EIF2B3: variants seen among roughly 807,000 people sequenced by gnomAD.
EIF2B3 encodes eukaryotic translation initiation factor 2B subunit gamma, also known as translation initiation factor eIF2B subunit gamma.
Under a neutral mutation model 54.1 loss-of-function variants are expected in EIF2B3, and 20 were observed. The observed-to-expected ratio is 0.37, with a 90% CI of 0.26 to 0.54. EIF2B3 has a LOEUF of 0.54. Ranked by LOEUF, EIF2B3 falls within the 20% of genes least tolerant of loss-of-function variation. EIF2B3 has a pLI of 0.86. For missense variants in EIF2B3, 448 were observed against 547.8 expected (o/e 0.82, Z 1.82); for synonymous variants, 153 against 188.1 (o/e 0.81, Z 1.52).
chr1:44,913,844 T>TTTTTTGAGGC (rs1569704480), intron 5 of EIF2B3, among the ~76,000 whole-genome samples: 1 of 145,854 alleles, frequency 6.9e-6, no homozygotes, highest in Non-Finnish European at 1.5e-5. Flanking sequence ...TTTTTTTTTT[T>TTTTTTGAGGC]AGATGGAGTT....
intron 3 of EIF2B3, among the ~76,000 whole-genome samples, chr1:44,957,953 C>G (rs991631975): frequency 1.3e-5 from 2 of 152,130 alleles, no homozygotes; most frequent in Admixed American, 1.3e-4. Flanking sequence ...TATCCTTTGA[C>G]CCAGTAATCC....
chr1:44,967,913 C>CT (rs1187912155), intron 3 of EIF2B3, among the ~76,000 whole-genome samples: 18 of 151,980 alleles, frequency 1.2e-4, no homozygotes, highest in Admixed American at 2.6e-4. Context: ...TGGCACATGC[C>CT]TGTAATCCCA....
intron 5 of EIF2B3, chr1:44,924,981 T>C (rs941053966): frequency 1.3e-5 from 2 of 152,212 alleles, no homozygotes; most frequent in African/African-American, 4.8e-5. Flanking sequence ...TTTATTTGTT[T>C]TGATATAACA....
intron 3 of EIF2B3, among the ~76,000 whole-genome samples, chr1:44,953,574 C>T (rs553233008): frequency 3.9e-5 from 6 of 152,088 alleles, no homozygotes; most frequent in Admixed American, 3.3e-4. Flanking sequence ...CCCAGGAGTT[C>T]GAGATCAGCC....
rs140807525 is a variant in EIF2B3 at position 44,903,390 on chromosome 1, C to T, written c.567-5946G>A. Among the ~76,000 whole-genome samples the T allele has an allele frequency of 5.3e-5, 8 of 152,310 alleles. 1 individual carries two copies. Among genetic ancestry groups the T allele is most frequent in the Non-Finnish European group, 1.0e-4 (7 of 68,032 alleles). On this transcript the variant is annotated intron_variant, in intron 5 of 11. Transcript: ENST00000360403. The stretch of plus-strand genomic sequence containing the variant: ...TCAAATCTACAAAGGTCCCCAGGCT[C>T]AGGGCAATGCCAAATGTTCTTGAAG...
At chr1:44,923,138 T>C (rs1316361779) in intron 5 of EIF2B3, among the ~76,000 whole-genome samples, 1 of 152,218 alleles carries the variant, frequency 6.6e-6, no homozygotes, top group Admixed American at 6.5e-5. Flanking sequence ...TTTAGTTTTT[T>C]CCAAATACAA....
chr1:44,915,335 AG>A, intron 5 of EIF2B3, among the ~76,000 whole-genome samples: 1 of 152,122 alleles, frequency 6.6e-6, no homozygotes, highest in South Asian at 2.1e-4. Context: ...TTTTTGAGAT[AG>A]GGTCTCGTTC....
At chr1:44,921,163 T>C (rs1012553024) in intron 5 of EIF2B3, among the ~76,000 whole-genome samples, 1 of 152,242 alleles carries the variant, frequency 6.6e-6, no homozygotes, top group African/African-American at 2.4e-5. Context: ...TTTTCATATA[T>C]CTGCTTGGCA....
chr1:44,864,407 C>T (rs1318686895), intron 10 of EIF2B3, among the ~76,000 whole-genome samples: 1 of 151,834 alleles, frequency 6.6e-6, no homozygotes, highest in African/African-American at 2.4e-5. Context: ...ACTAAAAATA[C>T]AAAAATTAGC....
chr1:44,902,856 A>AAG (rs1643340322), intron 5 of EIF2B3, among the ~76,000 whole-genome samples: 1 of 144,712 alleles, frequency 6.9e-6, no homozygotes, highest in Non-Finnish European at 1.5e-5. Flanking sequence ...AAAAAAAAAA[A>AAG]GAAAGCTCCC....
chr1:44,960,586 C>T (rs1474955431), intron 3 of EIF2B3, among the ~76,000 whole-genome samples: 2 of 151,504 alleles, frequency 1.3e-5, no homozygotes, highest in African/African-American at 4.9e-5. Flanking sequence ...TGCAGTGAGC[C>T]GAGATCGCGC....
At chr1:44,950,683 G>GTTTA (rs763397928) in intron 3 of EIF2B3, among the ~76,000 whole-genome samples, 1 of 151,998 alleles carries the variant, frequency 6.6e-6, no homozygotes, top group East Asian at 1.9e-4. Context: ...AGTATAAGGT[G>GTTTA]TTTATTTATT....
chr1:44,884,596 TTAAA>T (rs1461086588), intron 6 of EIF2B3, among the ~76,000 whole-genome samples: 2 of 152,208 alleles, frequency 1.3e-5, no homozygotes, highest in Non-Finnish European at 2.9e-5. Context: ...TGATGAAGAT[TTAAA>T]AATTTCCATG....
intron 6 of EIF2B3, among the ~76,000 whole-genome samples, chr1:44,896,751 T>G (rs1027880876): frequency 1.3e-5 from 2 of 152,248 alleles, no homozygotes; most frequent in Admixed American, 1.3e-4. Flanking sequence ...GGGTTTTCTC[T>G]TTGAAAACTC....
At chr1:44,984,216 G>A (rs985018786) in intron 1 of EIF2B3, among the ~76,000 whole-genome samples, 1 of 151,700 alleles carries the variant, frequency 6.6e-6, no homozygotes. Flanking sequence ...AGCCAAAAGA[G>A]CGCCAGGCAC....
At chr1:44,925,609 C>G (rs1219960960) in intron 5 of EIF2B3, among the ~76,000 whole-genome samples, 3 of 152,066 alleles carry the variant, frequency 2.0e-5, no homozygotes, top group African/African-American at 7.2e-5. Context: ...ACACATTTAA[C>G]ACTACTCAAC....
Position 44,908,683 on chromosome 1 carries a change from T to C in EIF2B3, c.567-11239A>G, listed in dbSNP as rs1557680484. ...TGTGTGCTTTATTCTACAAGCAATG[T>C]ATTTATAGATTTGGGATAAAGAGAT... On this transcript the variant is annotated intron_variant, in intron 5 of 11. Coordinates refer to ENST00000360403, the MANE Select transcript of EIF2B3 (RefSeq NM_020365.5). 2.0e-5 allele frequency among the ~76,000 whole-genome samples: 3 copies of C among 152,190 alleles called. No homozygotes were observed. In the South Asian group the frequency reaches 6.2e-4, roughly 32 times the overall value.
chr1:44,867,517 A>G (rs1349700464), intron 10 of EIF2B3, among the ~76,000 whole-genome samples: 1 of 152,138 alleles, frequency 6.6e-6, no homozygotes, highest in African/African-American at 2.4e-5. Context: ...AGAGACAAGC[A>G]CATAACGAAT....
At chr1:44,869,199 C>T (rs945651998) in intron 10 of EIF2B3, among the ~76,000 whole-genome samples, 2 of 152,026 alleles carry the variant, frequency 1.3e-5, no homozygotes, top group East Asian at 1.9e-4. Flanking sequence ...TTTATATGGC[C>T]GGGCATGGTG....
Sources: gnomAD v4.1 joint callset for allele counts (sites outside exome capture counted in the v4.1 genomes callset) on GRCh38, gnomAD v4.1.1 for gene constraint, MANE v1.5 for transcripts, NCBI Gene and HGNC (gene_info 2026-07-23, HGNC 2026-07-21) for gene names.